ZNF254: variants seen among roughly 807,000 people sequenced by gnomAD.
The protein encoded by ZNF254 is zinc finger protein 254, also known as CTD-2017D11.1.
ZNF254 carries 10 observed loss-of-function variants against 12.4 expected under a neutral mutation model. The observed-to-expected ratio is 0.80, with a 90% CI of 0.50 to 1.36. ZNF254 has a LOEUF of 1.36. Among genes scored for constraint, ZNF254 ranks in the 40% most tolerant of loss-of-function variants. The pLI, the probability that ZNF254 is intolerant of heterozygous loss-of-function variation, is 0.00. For synonymous variants in ZNF254, 305 were observed against 253.4 expected (o/e 1.20, Z -1.93); for missense variants, 996 against 763.9 (o/e 1.30, Z -3.58).
At chr19:24,046,370 T>TC (rs147133785) in intron 2 of ZNF254, 4 of 85,912 alleles carry the variant, frequency 4.7e-5, no homozygotes, top group African/African-American at 1.8e-4. Context: ...ATTTTATTAT[T>TC]TTTTATATAT....
chr19:24,115,556 G>T (rs900801531), intron 3 of ZNF254, among the ~76,000 whole-genome samples: 1 of 151,732 alleles, frequency 6.6e-6, no homozygotes, highest in East Asian at 1.9e-4. Context: ...GATAGCATTG[G>T]GAGATATACC....
chr19:24,115,628 A>G (rs1974002734), intron 3 of ZNF254, among the ~76,000 whole-genome samples: 1 of 147,774 alleles, frequency 6.8e-6, no homozygotes, highest in African/African-American at 2.4e-5. Context: ...TACATATGTA[A>G]CTAACCTGCA....
intron 3 of ZNF254, among the ~76,000 whole-genome samples, chr19:24,116,701 A>G (rs931728514): frequency 1.3e-5 from 2 of 152,124 alleles, no homozygotes; most frequent in Non-Finnish European, 2.9e-5. Context: ...CAACTCGTCA[A>G]AGTCATTCTC....
rs139407104 is a variant in ZNF254 at position 24,127,871 on chromosome 19, A to G, written c.1871A>G (p.His624Arg). The change falls in exon 4 of 4, where the codon CAT becomes CGT. Residue 624 changes from histidine (H) to arginine (R), a missense_variant. Physicochemically the swap from His to Arg is conservative, Grantham distance 29. Coordinates refer to ENST00000357002, the MANE Select transcript of ZNF254 (RefSeq NM_203282.4). ...SSTLTKHKRI[H>R]TGEQPYKWEK... The stretch of plus-strand genomic sequence containing the variant: ...ACCCTAACTAAACATAAGAGAATTC[A>G]TACTGGAGAGCAACCCTACAAATGG... 13 of 1,613,318 alleles carry G rather than the reference A, an allele frequency of 8.1e-6. No homozygotes were observed. Among genetic ancestry groups the G allele is most frequent in the African/African-American group, 2.7e-5 (2 of 74,908 alleles).
At chr19:24,084,932 C>CTTTT (rs150066308), upstream of ZNF254, among the ~76,000 whole-genome samples, 73 of 119,668 alleles carry the variant, frequency 6.1e-4, 1 homozygote, top group Middle Eastern at 5.2e-3. Context: ...TGACCACAAT[C>CTTTT]TTTTTTTTTT....
upstream of ZNF254, among the ~76,000 whole-genome samples, chr19:24,083,337 A>G (rs553844003): frequency 2.0e-5 from 3 of 152,198 alleles, no homozygotes; most frequent in Non-Finnish European, 2.9e-5. Context: ...AAATAAAAAC[A>G]CATCCCATGC....
chr19:24,089,461 A>G (rs1972236672), intron 1 of ZNF254, among the ~76,000 whole-genome samples: 1 of 152,022 alleles, frequency 6.6e-6, no homozygotes, highest in Non-Finnish European at 1.5e-5. Context: ...TTTTTGGGTC[A>G]AGTTTTCCTT....
At chr19:24,062,749 A>G (rs1971122620) in intron 2 of ZNF254, among the ~76,000 whole-genome samples, 1 of 152,098 alleles carries the variant, frequency 6.6e-6, no homozygotes. Flanking sequence ...TGGGTTAGTG[A>G]CTCGTTAACC....
intron 1 of ZNF254, among the ~76,000 whole-genome samples, chr19:24,090,459 G>A (rs1479511945): frequency 2.0e-5 from 3 of 152,118 alleles, no homozygotes; most frequent in African/African-American, 4.8e-5. Flanking sequence ...GTTGTCTTGA[G>A]ACAGTTTCCC....
At chr19:24,093,513 G>C (rs1468722038) in intron 1 of ZNF254, among the ~76,000 whole-genome samples, 1 of 152,130 alleles carries the variant, frequency 6.6e-6, no homozygotes, top group Non-Finnish European at 1.5e-5. Flanking sequence ...CATAGTGCTT[G>C]CTAGTTATTC....
chr19:24,106,306 A>T, intron 2 of ZNF254: 1 of 565,250 alleles, frequency 1.8e-6, no homozygotes. Flanking sequence ...GTGGCATAAA[A>T]TATTGTTACA....
rs762522130 is a variant in ZNF254, at chr19:24,127,890, C to G, written c.1890C>G (p.Tyr630Ter). Residue 630 changes from tyrosine (Y) to a stop codon, truncating the protein, a stop_gained, in exon 4 of 4, where the codon TAC (tyrosine) becomes TAG (stop). Coordinates refer to ENST00000357002, the MANE Select transcript of ZNF254 (RefSeq NM_203282.4). LOFTEE classifies it low-confidence loss of function (END_TRUNC). Reference sequence around the variant, plus strand: ...GAATTCATACTGGAGAGCAACCCTACAAATGGGAAAAATTTGGCAAAGCCT... The same window carrying G: ...GAATTCATACTGGAGAGCAACCCTAGAAATGGGAAAAATTTGGCAAAGCCT... The part of the protein sequence containing the change: ...HKRIHTGEQP[Y>*]KWEKFGKAFN... 1 of 1,612,566 alleles carries G rather than the reference C, an allele frequency of 6.2e-7. No individual in the cohort carries two copies. Among genetic ancestry groups the G allele is most frequent in the Non-Finnish European group, 8.5e-7 (1 of 1,179,446 alleles).
chr19:24,102,286 A>G (rs1297923225), intron 1 of ZNF254, among the ~76,000 whole-genome samples: 2 of 150,780 alleles, frequency 1.3e-5, no homozygotes, highest in Non-Finnish European at 2.9e-5. Flanking sequence ...ATTATTCTAG[A>G]AAACCTTAAG....
Position 24,106,872 on chromosome 19 carries a change from A to C in ZNF254, c.253+229A>C, listed in dbSNP as rs2145817680. On this transcript the variant is annotated intron_variant, in intron 3 of 3. Coordinates refer to ENST00000357002, the MANE Select transcript of ZNF254 (RefSeq NM_203282.4). ...GATCTTCCTCCAAGTTTACAGTGAC[A>C]GCCGAAGTACTGTTCATGGCATACA... 6.8e-6 allele frequency: 3 copies of C among 438,662 alleles called. No homozygotes were observed. The East Asian group carries it at 1.2e-4, about 18-fold the overall frequency. 27.2% of individuals were successfully genotyped at this position (438,662 alleles called of 1,614,324 possible).
intron 1 of ZNF254, among the ~76,000 whole-genome samples, chr19:24,088,349 T>G (rs1348239612): frequency 6.6e-6 from 1 of 152,150 alleles, no homozygotes; most frequent in Non-Finnish European, 1.5e-5. Flanking sequence ...AGTTTAGATT[T>G]TTTTTTTAGA....
chr19:24,111,720 T>C (rs1021023096), intron 3 of ZNF254, among the ~76,000 whole-genome samples: 10 of 152,214 alleles, frequency 6.6e-5, no homozygotes, highest in Admixed American at 3.3e-4. Context: ...TGAGCATTTT[T>C]TCATGTGTTT....
At chr19:24,086,813 T>C (rs1209596408), upstream of ZNF254, among the ~76,000 whole-genome samples, 1 of 152,224 alleles carries the variant, frequency 6.6e-6, no homozygotes, top group Non-Finnish European at 1.5e-5. Context: ...AAATTAGCTT[T>C]AGTGCTGATA....
intron 3 of ZNF254, among the ~76,000 whole-genome samples, chr19:24,122,840 T>A (rs1359782723): frequency 6.6e-6 from 1 of 151,424 alleles, no homozygotes; most frequent in African/African-American, 2.4e-5. Context: ...ACTCCTTATA[T>A]GACCATGTAT....
At chr19:24,110,543 G>C (rs1009454457) in intron 3 of ZNF254, among the ~76,000 whole-genome samples, 4 of 151,576 alleles carry the variant, frequency 2.6e-5, no homozygotes, top group African/African-American at 9.7e-5. Context: ...GCAAGCTTGG[G>C]TGACAGATTG....
Sources: gnomAD v4.1 joint callset for allele counts (sites outside exome capture counted in the v4.1 genomes callset) on GRCh38, gnomAD v4.1.1 for gene constraint, MANE v1.5 for transcripts, NCBI Gene and HGNC (gene_info 2026-07-23, HGNC 2026-07-21) for gene names.